OR5A1: variants seen among roughly 807,000 people sequenced by gnomAD.
OR5A1 encodes olfactory receptor family 5 subfamily A member 1.
In OR5A1, 6 loss-of-function variants were observed where a neutral mutation model predicts 6.7. The observed-to-expected ratio is 0.89, with a 90% confidence interval of 0.49 to 1.76. OR5A1 has a LOEUF of 1.76. Ranked by LOEUF, OR5A1 falls within the 40% of genes most tolerant of loss-of-function variation. The pLI is 0.01. For synonymous variants in OR5A1, 170 were observed against 155.0 expected, an observed-to-expected ratio of 1.10 and a Z score of -0.72; for missense variants, 378 against 381.7, an observed-to-expected ratio of 0.99 and a Z score of 0.08.
At chr11:59,441,980 A>ATAGATAGATAGG (rs1590612675) in intron 1 of OR5A1, among the ~76,000 whole-genome samples, 1 of 150,580 alleles carries the variant, frequency 6.6e-6, no homozygotes, top group African/African-American at 2.5e-5. Context: ...AGATAGATAG[A>ATAGATAGATAGG]TAGATAGATG....
chr11:59,438,343 A>T (rs558124859), intron 1 of OR5A1, among the ~76,000 whole-genome samples: 1 of 152,142 alleles, frequency 6.6e-6, no homozygotes, highest in South Asian at 2.1e-4. Flanking sequence ...GTTCAGTAGC[A>T]TTTTTTTTAA....
Position 59,443,119 on chromosome 11 carries a change from T to C in OR5A1, c.-33-17T>C. 1 of 1,410,942 alleles carries C rather than the reference T, an allele frequency of 7.1e-7. No individual in the cohort carries two copies. Among genetic ancestry groups the C allele is most frequent in the Admixed American group, 1.8e-5 (1 of 56,978 alleles). 87.4% of individuals were successfully genotyped at this position (1,410,942 alleles called of 1,614,324 possible). A position where few individuals can be genotyped will look rare whatever the true frequency, so the allele number is the denominator to read the frequency against. On this transcript the variant is annotated splice_polypyrimidine_tract_variant and intron_variant, in intron 1 of 1. Transcript: ENST00000641045. Reference sequence around the variant, plus strand: ...TGCTAATACCACCTATAATGTGGACTGTCATTACTATCCCAGGTCTGCATC... The same window carrying C: ...TGCTAATACCACCTATAATGTGGACCGTCATTACTATCCCAGGTCTGCATC...
intron 1 of OR5A1, among the ~76,000 whole-genome samples, chr11:59,437,551 T>G (rs1013628438): frequency 1.8e-4 from 28 of 152,360 alleles, no homozygotes; most frequent in South Asian, 8.3e-4. Context: ...GTCTGCTGTA[T>G]ACTATTTTGT....
At chr11:59,441,980 A>ATAGG (rs1491316078) in intron 1 of OR5A1, among the ~76,000 whole-genome samples, 63 of 150,698 alleles carry the variant, frequency 4.2e-4, no homozygotes, top group African/African-American at 1.4e-3. Context: ...AGATAGATAG[A>ATAGG]TAGATAGATG....
Position 59,443,824 on chromosome 11 carries a change from T to A in OR5A1, c.656T>A (p.Ile219Asn), listed in dbSNP as rs752678568. 4 of 1,614,062 alleles carry A rather than the reference T, an allele frequency of 2.5e-6. No homozygotes were observed. The highest frequency in any genetic ancestry group is 8.5e-7 in the Non-Finnish European group (1 of 1,180,008). ...GGAACATCGTTCCTCCAACTCCTTA[T>A]CTCCTATGGTTACATAGTGTCTGCG... The part of the protein sequence containing the change: ...VGGTSFLQLL[I>N]SYGYIVSAVL... Residue 219 changes from isoleucine to asparagine, a missense_variant, in exon 2 of 2, where the codon ATC becomes AAC. Transcript: ENST00000641045.
In OR5A1 at chr11:59,444,414, G is replaced by A. The variant is rs139984590; in HGVS notation, c.*298G>A. 1,029 of 230,998 alleles carry A rather than the reference G, an allele frequency of 4.5e-3. 12 individuals carry two copies. The highest frequency in any genetic ancestry group is 0.022 in the African/African-American group (955 of 44,212). 14.3% of individuals were successfully genotyped at this position (230,998 alleles called of 1,614,324 possible). A position where few individuals can be genotyped will look rare whatever the true frequency, so the allele number is the denominator to read the frequency against. ...TTATTGGGCCCTTAGTATGTACCAG[G>A]CACAAAAGTTATTTAATTAAATACT... On this transcript the variant is annotated 3_prime_UTR_variant, in exon 2 of 2. Transcript: ENST00000641045.
rs1168442057 is a variant in OR5A1, at chr11:59,447,953, T to G, written c.*3837T>G. On this transcript the variant is annotated 3_prime_UTR_variant, in exon 2 of 2. Coordinates refer to ENST00000641045, the MANE Select transcript of OR5A1 (RefSeq NM_001004728.2). ...TTTTTTCCCAGATTCACCACTCCTTTAAATCAGGGGTGTCCAATCTTTTGG... is the reference window on the plus strand; with the variant it reads ...TTTTTTCCCAGATTCACCACTCCTTGAAATCAGGGGTGTCCAATCTTTTGG... 1 of 152,188 alleles carries G rather than the reference T, an allele frequency of 6.6e-6. No individual in the cohort carries two copies. The highest frequency in any genetic ancestry group is 2.4e-5 in the African/African-American group (1 of 41,438). The allele number at this position is 152,188 out of a possible 1,614,324, so 9.4% of individuals were successfully genotyped here. A position where few individuals can be genotyped will look rare whatever the true frequency, so the allele number is the denominator to read the frequency against.
In OR5A1 at chr11:59,436,610, C is replaced by A. The variant is rs568914289; in HGVS notation, c.-259C>A. ...CTTCTTAAAGATTACAACCTCCATC[C>A]TTTCTTTATATATCTTTTTCTTCCT... On this transcript the variant is annotated 5_prime_UTR_variant, in exon 1 of 2. Transcript: ENST00000641045. 2 of 152,262 alleles carry A rather than the reference C, an allele frequency of 1.3e-5. No homozygotes were observed. Among genetic ancestry groups the A allele is most frequent in the East Asian group, 3.9e-4 (2 of 5,188 alleles). 9.4% of individuals were successfully genotyped at this position (152,262 alleles called of 1,614,324 possible).
intron 1 of OR5A1, among the ~76,000 whole-genome samples, chr11:59,440,849 C>T (rs1486196268): frequency 1.3e-5 from 2 of 152,110 alleles, no homozygotes; most frequent in Non-Finnish European, 2.9e-5. Context: ...CCGACAATAG[C>T]GTGACTAATG....
rs1478391462 is a variant in OR5A1, at chr11:59,445,605, A to G, written c.*1489A>G. On this transcript the variant is annotated 3_prime_UTR_variant, in exon 2 of 2. Transcript: ENST00000641045. ...GCCACACTGTCTTCCACAATGGTTG[A>G]ACTAATTTACATTCCCACCAACAGT... 1 of 152,142 alleles carries G rather than the reference A, an allele frequency of 6.6e-6. No individual in the cohort carries two copies. The highest frequency in any genetic ancestry group is 1.5e-5 in the Non-Finnish European group (1 of 68,022). 9.4% of individuals were successfully genotyped at this position (152,142 alleles called of 1,614,324 possible). A position where few individuals can be genotyped will look rare whatever the true frequency, so the allele number is the denominator to read the frequency against.
rs1037344369 is a variant in OR5A1 at position 59,450,719 on chromosome 11, T to C, written c.*6603T>C. ...TACTGTTGTGATATATTAATACATC[T>C]TTTCAGACTTCTAGCCATGTAGATA... On this transcript the variant is annotated 3_prime_UTR_variant, in exon 2 of 2. Coordinates refer to ENST00000641045, the MANE Select transcript of OR5A1 (RefSeq NM_001004728.2). The C allele has an allele frequency of 1.3e-5, 2 of 152,202 alleles. No individual in the cohort carries two copies. The highest frequency in any genetic ancestry group is 2.9e-5 in the Non-Finnish European group (2 of 68,036). The allele number at this position is 152,202 out of a possible 1,614,324, so 9.4% of individuals were successfully genotyped here. A position where few individuals can be genotyped will look rare whatever the true frequency, so the allele number is the denominator to read the frequency against.
rs546062356 is a variant in OR5A1 at position 59,451,265 on chromosome 11, A to G, written c.*7149A>G. ...TTTCTTTCCCTTTTTTAATAGAGACAGGATCTTCCTATGTTGCCCAGGCTG... is the reference window on the plus strand; with the variant it reads ...TTTCTTTCCCTTTTTTAATAGAGACGGGATCTTCCTATGTTGCCCAGGCTG... On this transcript the variant is annotated 3_prime_UTR_variant, in exon 2 of 2. Transcript: ENST00000641045. The G allele has an allele frequency of 8.5e-5, 13 of 152,092 alleles. No individual in the cohort carries two copies. Among genetic ancestry groups the G allele is most frequent in the Non-Finnish European group, 1.8e-4 (12 of 68,012 alleles). 9.4% of individuals were successfully genotyped at this position (152,092 alleles called of 1,614,324 possible).
At position 59,450,975 on chromosome 11, in the gene OR5A1, G is replaced by T. The variant is rs1017779245; in HGVS notation, c.*6859G>T. ...ATGTGATGAGCTTTGTTTATATTTA[G>T]GACATTAAACATTTGGTTTATTAAC... On this transcript the variant is annotated 3_prime_UTR_variant, in exon 2 of 2. Coordinates refer to ENST00000641045, the MANE Select transcript of OR5A1 (RefSeq NM_001004728.2). The T allele has an allele frequency of 6.6e-6, 1 of 152,100 alleles. No individual in the cohort carries two copies. The highest frequency in any genetic ancestry group is 1.9e-4 in the East Asian group (1 of 5,198). The allele number at this position is 152,100 out of a possible 1,614,324, so 9.4% of individuals were successfully genotyped here.
In OR5A1 at chr11:59,443,255, C is replaced by G. The variant is rs771011094; in HGVS notation, c.87C>G (p.Leu29=). ...GFTDHPELQA[L]LFVTFLGIYL... is the part of the protein sequence containing the mutation. Reference sequence around the variant, plus strand: ...CAGACCATCCAGAACTCCAGGCCCTCCTCTTTGTGACCTTCCTGGGCATCT... The same window carrying G: ...CAGACCATCCAGAACTCCAGGCCCTGCTCTTTGTGACCTTCCTGGGCATCT... Residue 29 remains leucine (L), a synonymous_variant, in exon 2 of 2, where the codon CTC becomes CTG. Transcript: ENST00000641045. 6.2e-7 allele frequency: 1 copy of G among 1,614,022 alleles called. No individual in the cohort carries two copies.
In OR5A1 at chr11:59,448,900, G is replaced by T. The variant is rs950113863; in HGVS notation, c.*4784G>T. On this transcript the variant is annotated 3_prime_UTR_variant, in exon 2 of 2. Transcript: ENST00000641045. ...CTATAATATTGTTGATGAAATTTCT[G>T]TAATCGTTATCATACAAGGACTTTG... 6.6e-6 allele frequency: 1 copy of T among 152,122 alleles called. No individual in the cohort carries two copies. The allele number at this position is 152,122 out of a possible 1,614,324, so 9.4% of individuals were successfully genotyped here.
At chr11:59,439,460 A>G (rs1270372824) in intron 1 of OR5A1, among the ~76,000 whole-genome samples, 1 of 152,122 alleles carries the variant, frequency 6.6e-6, no homozygotes, top group Non-Finnish European at 1.5e-5. Flanking sequence ...AATTGTAGGG[A>G]GTCCAGGCTC....
rs781278206 is a variant in OR5A1, at chr11:59,444,155, A to G, written c.*39A>G. 7 of 1,409,366 alleles carry G rather than the reference A, an allele frequency of 5.0e-6. No homozygotes were observed. Among genetic ancestry groups the G allele is most frequent in the Non-Finnish European group, 6.9e-6 (7 of 1,009,924 alleles). 87.3% of individuals were successfully genotyped at this position (1,409,366 alleles called of 1,614,324 possible). A position where few individuals can be genotyped will look rare whatever the true frequency, so the allele number is the denominator to read the frequency against. ...ACTTATTTATCCAAACTGCTGGAGA[A>G]TTAAACAATCCAAGCCTTCACCTCC... On this transcript the variant is annotated 3_prime_UTR_variant, in exon 2 of 2. Coordinates refer to ENST00000641045, the MANE Select transcript of OR5A1 (RefSeq NM_001004728.2).
intron 1 of OR5A1, among the ~76,000 whole-genome samples, chr11:59,440,971 G>A (rs561382782): frequency 6.6e-6 from 1 of 152,104 alleles, no homozygotes; most frequent in Non-Finnish European, 1.5e-5. Context: ...ATAAGTAGAA[G>A]GAACTATTGA....
chr11:59,442,866 A>C (rs1228714602), intron 1 of OR5A1, among the ~76,000 whole-genome samples: 1 of 152,214 alleles, frequency 6.6e-6, no homozygotes, highest in Non-Finnish European at 1.5e-5. Flanking sequence ...GATGTTAGCT[A>C]TCTCACCCAA....
Sources: gnomAD v4.1 joint callset for allele counts (sites outside exome capture counted in the v4.1 genomes callset) on GRCh38, gnomAD v4.1.1 for gene constraint, MANE v1.5 for transcripts, NCBI Gene and HGNC (gene_info 2026-07-23, HGNC 2026-07-21) for gene names.